RCAN2: variants seen among roughly 807,000 people sequenced by gnomAD.
The protein encoded by RCAN2 is regulator of calcineurin 2.
A neutral mutation model predicts 23.6 loss-of-function variants in RCAN2; 9 were observed. That is an observed-to-expected ratio of 0.38 (90% confidence interval 0.23 to 0.67). The LOEUF (loss-of-function observed/expected upper bound fraction) is 0.67, where lower values mean the gene tolerates loss of function less well. Ranked by LOEUF, RCAN2 falls within the 30% of genes least tolerant of loss-of-function variation. RCAN2 has a pLI of 0.51. For synonymous variants in RCAN2, 109 were observed against 115.7 expected, an observed-to-expected ratio of 0.94 and a Z score of 0.37; for missense variants, 273 against 302.3, an observed-to-expected ratio of 0.90 and a Z score of 0.72.
At chr6:46,331,016 C>T (rs1413876095) in intron 2 of RCAN2, among the ~76,000 whole-genome samples, 1 of 152,176 alleles carries the variant, frequency 6.6e-6, no homozygotes, top group African/African-American at 2.4e-5. Flanking sequence ...CCTTCATGCT[C>T]AATGCCTAGG....
At chr6:46,453,987 C>A (rs1404860729) in intron 2 of RCAN2, among the ~76,000 whole-genome samples, 1 of 152,198 alleles carries the variant, frequency 6.6e-6, no homozygotes, top group African/African-American at 2.4e-5. Flanking sequence ...TAATTCCAGG[C>A]TGCTGAATAC....
chr6:46,453,538 A>C (rs1767939050), intron 2 of RCAN2, among the ~76,000 whole-genome samples: 1 of 152,228 alleles, frequency 6.6e-6, no homozygotes, highest in East Asian at 1.9e-4. Context: ...TTAGAATGTA[A>C]ATAGGACAGC....
At chr6:46,297,954 G>A (rs1034620714) in intron 2 of RCAN2, among the ~76,000 whole-genome samples, 1 of 152,052 alleles carries the variant, frequency 6.6e-6, no homozygotes, top group Non-Finnish European at 1.5e-5. Context: ...GAGTGAAAAT[G>A]GAACTGAAAC....
chr6:46,358,714 A>G (rs115136908), intron 2 of RCAN2, among the ~76,000 whole-genome samples: 4 of 152,296 alleles, frequency 2.6e-5, no homozygotes, highest in African/African-American at 9.6e-5. Context: ...TAGAGTTTGC[A>G]GGTGATTTAA....
At chr6:46,407,201 A>C (rs948984717) in intron 2 of RCAN2, among the ~76,000 whole-genome samples, 8 of 152,240 alleles carry the variant, frequency 5.3e-5, no homozygotes, top group African/African-American at 1.9e-4. Context: ...AAAAATCAGC[A>C]CACAGAAACA....
At chr6:46,408,347 G>A (rs956331166) in intron 2 of RCAN2, among the ~76,000 whole-genome samples, 5 of 152,158 alleles carry the variant, frequency 3.3e-5, no homozygotes, top group African/African-American at 9.7e-5. Flanking sequence ...ACCAGCTGGC[G>A]AGTCGCTCAC....
At chr6:46,321,440 G>A (rs1172801692) in intron 2 of RCAN2, among the ~76,000 whole-genome samples, 1 of 152,222 alleles carries the variant, frequency 6.6e-6, no homozygotes, top group Non-Finnish European at 1.5e-5. Context: ...CAAGTGCCAA[G>A]GGTCTTTGAA....
At chr6:46,281,410 C>T (rs575925035) in intron 2 of RCAN2, among the ~76,000 whole-genome samples, 1 of 152,286 alleles carries the variant, frequency 6.6e-6, no homozygotes, top group East Asian at 1.9e-4. Context: ...AAACAAGTTT[C>T]CCAAGTGACA....
At chr6:46,298,327 T>C in intron 2 of RCAN2, among the ~76,000 whole-genome samples, 1 of 152,214 alleles carries the variant, frequency 6.6e-6, no homozygotes, top group Non-Finnish European at 1.5e-5. Context: ...TCACTCAGTG[T>C]AGGGCAATAT....
chr6:46,328,019 C>T (rs896927688), intron 2 of RCAN2, among the ~76,000 whole-genome samples: 3 of 152,202 alleles, frequency 2.0e-5, no homozygotes, highest in Admixed American at 6.5e-5. Flanking sequence ...AATCATTGCT[C>T]TGTTTACATA....
chr6:46,292,805 G>A (rs1762610524), intron 2 of RCAN2, among the ~76,000 whole-genome samples: 2 of 152,002 alleles, frequency 1.3e-5, no homozygotes, highest in Non-Finnish European at 2.9e-5. Context: ...CATGTGCCAT[G>A]GTGGTTTGCT....
chr6:46,257,385 C>T (rs114413422), intron 2 of RCAN2, among the ~76,000 whole-genome samples: 1,775 of 152,200 alleles, frequency 0.012, 11 homozygotes, highest in Non-Finnish European at 0.017. Flanking sequence ...TGTATTAGTC[C>T]ATTCTCACAC....
At chr6:46,233,288 A>G (rs1765961996) in intron 4 of RCAN2, among the ~76,000 whole-genome samples, 1 of 152,248 alleles carries the variant, frequency 6.6e-6, no homozygotes, top group Non-Finnish European at 1.5e-5. Context: ...TGCTGAATGA[A>G]AGACACCATC....
intron 2 of RCAN2, among the ~76,000 whole-genome samples, chr6:46,328,458 C>A (rs747742101): frequency 6.6e-6 from 1 of 152,164 alleles, no homozygotes; most frequent in Non-Finnish European, 1.5e-5. Context: ...AGGAACTTTC[C>A]AGTAACTCTG....
intron 2 of RCAN2, among the ~76,000 whole-genome samples, chr6:46,318,832 A>C (rs1031194448): frequency 2.4e-4 from 37 of 152,328 alleles, no homozygotes; most frequent in African/African-American, 7.9e-4. Context: ...TACTTACCCA[A>C]AAGGTGAACA....
chr6:46,329,996 T>C (rs1763913510), intron 2 of RCAN2, among the ~76,000 whole-genome samples: 1 of 152,206 alleles, frequency 6.6e-6, no homozygotes, highest in Admixed American at 6.5e-5. Context: ...GAAGTTCCCA[T>C]TACAGCTATG....
At chr6:46,419,426 C>T (rs1052500298) in intron 2 of RCAN2, among the ~76,000 whole-genome samples, 3 of 152,080 alleles carry the variant, frequency 2.0e-5, no homozygotes, top group African/African-American at 7.2e-5. Flanking sequence ...CACAGAGTAC[C>T]GGAGTTTGGA....
At chr6:46,248,649 G>T in intron 3 of RCAN2, 74 bp downstream of exon 3, 1 of 1,187,366 alleles carries the variant, frequency 8.4e-7, no homozygotes, top group Middle Eastern at 2.5e-4. Flanking sequence ...AATAGAAAGG[G>T]CTTCATTTAC....
intron 1 of RCAN2, among the ~76,000 whole-genome samples, chr6:46,477,402 T>G (rs573483851): frequency 1.3e-5 from 2 of 152,310 alleles, no homozygotes; most frequent in Non-Finnish European, 1.5e-5. Flanking sequence ...TCAAATTGTA[T>G]AAAAACCACA....
Sources: gnomAD v4.1 joint callset for allele counts (sites outside exome capture counted in the v4.1 genomes callset) on GRCh38, gnomAD v4.1.1 for gene constraint, MANE v1.5 for transcripts, NCBI Gene and HGNC (gene_info 2026-07-23, HGNC 2026-07-21) for gene names.